The following LRMDA variants were observed in gnomAD, a reference collection of about 807,000 sequenced individuals.
The protein encoded by LRMDA is leucine-rich melanocyte differentiation-associated protein.
In LRMDA, 18 loss-of-function variants were observed where a neutral mutation model predicts 29.8. The observed-to-expected ratio is 0.60, with a 90% CI of 0.42 to 0.90. The LOEUF is 0.90. Ranked by LOEUF, LRMDA falls within the 40% of genes least tolerant of loss-of-function variation. The probability of loss-of-function intolerance (pLI) is 0.00; values close to 1 mark genes in which losing one functional copy is unlikely to be tolerated. For synonymous variants in LRMDA, 125 were observed against 109.4 expected, an observed-to-expected ratio of 1.14 and a Z score of -0.89; for missense variants, 273 against 273.9, an observed-to-expected ratio of 1.00 and a Z score of 0.02.
intron 2 of LRMDA, among the ~76,000 whole-genome samples, chr10:75,521,544 C>T (rs766166300): frequency 6.6e-5 from 10 of 152,188 alleles, no homozygotes; most frequent in East Asian, 1.9e-4. Context: ...CCTGGTATCC[C>T]GGTTGCTTAG....
chr10:75,967,808 A>T (rs1435103433), intron 2 of LRMDA, among the ~76,000 whole-genome samples: 1 of 152,040 alleles, frequency 6.6e-6, no homozygotes, highest in Non-Finnish European at 1.5e-5. Context: ...GGAAGAAGAA[A>T]GGACCAGCAG....
intron 2 of LRMDA, among the ~76,000 whole-genome samples, chr10:75,475,470 A>T (rs1158284476): frequency 6.6e-6 from 1 of 152,138 alleles, no homozygotes; most frequent in East Asian, 1.9e-4. Flanking sequence ...AGAACCTGGG[A>T]CTGCTTCCGA....
At chr10:76,312,392 C>A (rs1840640265) in intron 5 of LRMDA, among the ~76,000 whole-genome samples, 1 of 152,102 alleles carries the variant, frequency 6.6e-6, no homozygotes, top group South Asian at 2.1e-4. Context: ...GGGAAAGGCA[C>A]TGACAGCAGA....
intron 5 of LRMDA, among the ~76,000 whole-genome samples, chr10:76,106,932 G>C (rs1849495679): frequency 6.6e-6 from 1 of 152,206 alleles, no homozygotes; most frequent in South Asian, 2.1e-4. Flanking sequence ...GTCCTCAGAG[G>C]CAGGGGCTGC....
At chr10:75,640,268 A>G (rs1471720302) in intron 2 of LRMDA, among the ~76,000 whole-genome samples, 1 of 152,196 alleles carries the variant, frequency 6.6e-6, no homozygotes, top group East Asian at 1.9e-4. Context: ...TTTTCACCCC[A>G]AGATGCTGCT....
At chr10:76,524,078 C>T (rs1175616676) in intron 6 of LRMDA, among the ~76,000 whole-genome samples, 1 of 152,228 alleles carries the variant, frequency 6.6e-6, no homozygotes, top group Non-Finnish European at 1.5e-5. Flanking sequence ...AAGTTGAAAA[C>T]ATGCAGGCAC....
At chr10:75,692,689 G>A (rs1313545176) in intron 2 of LRMDA, among the ~76,000 whole-genome samples, 2 of 151,654 alleles carry the variant, frequency 1.3e-5, no homozygotes, top group African/African-American at 2.4e-5. Context: ...AGTATGAATA[G>A]TGTTCCTCCC....
At chr10:76,327,375 G>A (rs1215965804) in intron 6 of LRMDA, among the ~76,000 whole-genome samples, 1 of 152,126 alleles carries the variant, frequency 6.6e-6, no homozygotes, top group Non-Finnish European at 1.5e-5. Flanking sequence ...ACAGGTGTGA[G>A]CCACCACGCC....
chr10:76,057,542 A>G (rs998630027), intron 4 of LRMDA, among the ~76,000 whole-genome samples: 7 of 152,238 alleles, frequency 4.6e-5, no homozygotes, highest in Admixed American at 6.5e-5. Context: ...ACAAAATGTT[A>G]GACTGTAAGG....
At chr10:75,864,306 G>T (rs970569962) in intron 2 of LRMDA, among the ~76,000 whole-genome samples, 7 of 152,178 alleles carry the variant, frequency 4.6e-5, no homozygotes, top group South Asian at 4.1e-4. Context: ...GAAGCCGGAT[G>T]TGCTCTATGA....
chr10:76,310,511 T>G (rs946760272), intron 5 of LRMDA, among the ~76,000 whole-genome samples: 1 of 152,200 alleles, frequency 6.6e-6, no homozygotes, highest in East Asian at 1.9e-4. Flanking sequence ...CGGTTCATGC[T>G]TCCTTTTCCA....
chr10:76,107,581 G>C (rs1360478884), intron 5 of LRMDA, among the ~76,000 whole-genome samples: 2 of 152,118 alleles, frequency 1.3e-5, no homozygotes, highest in African/African-American at 2.4e-5. Flanking sequence ...CAGGAGAAGA[G>C]AGCAATGAAC....
chr10:76,290,343 GA>G (rs1461807119), intron 5 of LRMDA, among the ~76,000 whole-genome samples: 1 of 150,194 alleles, frequency 6.7e-6, no homozygotes, highest in Non-Finnish European at 1.5e-5. Flanking sequence ...CAGCAAGACT[GA>G]ATTATTTATA....
At chr10:75,836,615 G>C (rs1295874273) in intron 2 of LRMDA, among the ~76,000 whole-genome samples, 1 of 152,116 alleles carries the variant, frequency 6.6e-6, no homozygotes, top group Non-Finnish European at 1.5e-5. Flanking sequence ...CTTCTATTCA[G>C]CACACAAATG....
At chr10:76,537,749 A>G (rs1465674441) in intron 6 of LRMDA, among the ~76,000 whole-genome samples, 7 of 152,060 alleles carry the variant, frequency 4.6e-5, no homozygotes, top group Non-Finnish European at 1.0e-4. Flanking sequence ...CTCTCTTGCC[A>G]TGTCACATAA....
chr10:75,769,074 C>T (rs908320629), intron 2 of LRMDA, among the ~76,000 whole-genome samples: 1 of 152,130 alleles, frequency 6.6e-6, no homozygotes. Context: ...CTGTGAGATT[C>T]GAGAGAGTGT....
chr10:75,831,297 T>A (rs1463966910), intron 2 of LRMDA, among the ~76,000 whole-genome samples: 2 of 152,202 alleles, frequency 1.3e-5, no homozygotes, highest in East Asian at 3.9e-4. Context: ...TCCACCCATC[T>A]TGGTCTCCCA....
At chr10:76,177,569 C>T (rs1427184066) in intron 5 of LRMDA, among the ~76,000 whole-genome samples, 3 of 152,152 alleles carry the variant, frequency 2.0e-5, no homozygotes, top group African/African-American at 7.2e-5. Flanking sequence ...TCTTCTTTAT[C>T]AGTTGTAGTA....
At chr10:76,074,165 T>C (rs1029607405) in intron 5 of LRMDA, among the ~76,000 whole-genome samples, 2 of 152,242 alleles carry the variant, frequency 1.3e-5, no homozygotes, top group African/African-American at 4.8e-5. Context: ...AAAGATTGTA[T>C]GCAACTGTGC....
Sources: gnomAD v4.1 joint callset for allele counts (sites outside exome capture counted in the v4.1 genomes callset) on GRCh38, gnomAD v4.1.1 for gene constraint, MANE v1.5 for transcripts, NCBI Gene and HGNC (gene_info 2026-07-23, HGNC 2026-07-21) for gene names.